The following NTRK1 variants were observed in gnomAD, a reference collection of about 807,000 sequenced individuals.
The protein encoded by NTRK1 is neurotrophic receptor tyrosine kinase 1, also known as high affinity nerve growth factor receptor.
Under a neutral mutation model 86.8 loss-of-function variants are expected in NTRK1, and 62 were observed. That is an observed-to-expected ratio of 0.71 (90% CI 0.58 to 0.88). The LOEUF is 0.88. NTRK1 is among the 40% of genes least tolerant of loss of function. The pLI is 0.00. For missense variants in NTRK1, 967 were observed against 1,078.4 expected, an observed-to-expected ratio of 0.90 and a Z score of 1.45; for synonymous variants, 469 against 456.6, an observed-to-expected ratio of 1.03 and a Z score of -0.35.
At chr1:156,874,539 AGG>A in intron 9 of NTRK1, 30 bp from the exon 10 acceptor site, 1 of 1,612,888 alleles carries the variant, frequency 6.2e-7, no homozygotes, top group Non-Finnish European at 8.5e-7. Flanking sequence ...GTGTGTGTCA[AGG>A]CTCACCCCTC....
At chr1:156,842,830 C>G (rs186028704) in intron 2 of NTRK1, among the ~76,000 whole-genome samples, 210 of 152,296 alleles carry the variant, frequency 1.4e-3, no homozygotes, top group Non-Finnish European at 2.5e-3. Context: ...AGTGGCCCTA[C>G]TATGACCCTG....
At chr1:156,848,918 C>CA (rs1468540837) in intron 2 of NTRK1, 1 of 1,565,518 alleles carries the variant, frequency 6.4e-7, no homozygotes, top group African/African-American at 1.4e-5. Context: ...CCCCGGCACT[C>CA]ACGACTCCTT....
chr1:156,868,298 T>G, intron 5 of NTRK1, 49 bp downstream of exon 5: 1 of 1,596,868 alleles, frequency 6.3e-7, no homozygotes, highest in East Asian at 2.2e-5. Flanking sequence ...GGAAGAGACC[T>G]ACCTGCCTGA....
chr1:156,843,204 G>A (rs756326222), intron 2 of NTRK1: 97 of 1,613,906 alleles, frequency 6.0e-5, no homozygotes, highest in Non-Finnish European at 7.5e-5. Flanking sequence ...ATCTGCTCCC[G>A]AGGCACCTCC....
chr1:156,842,343 C>T, intron 2 of NTRK1: 1 of 1,612,768 alleles, frequency 6.2e-7, no homozygotes, highest in Non-Finnish European at 8.5e-7. Flanking sequence ...TGGCCCCCAC[C>T]TCCCACACTG....
rs756672249 is a variant in NTRK1 at position 156,843,024 on chromosome 1, C to T, written c.50+831C>T. On this transcript the variant is annotated intron_variant, in intron 2 of 16. Coordinates refer to the NTRK1 transcript ENST00000392302. ...CTTACCACATGGTGACACTTGAAGG[C>T]TTTCATGACAGAAGCTTCCTTGAGG... 56 of 1,613,784 alleles carry T rather than the reference C, an allele frequency of 3.5e-5. No homozygotes were observed. The South Asian group carries it at 6.0e-4, about 17-fold the overall frequency.
intron 2 of NTRK1, 106 bp from the exon 3 acceptor site, chr1:156,864,622 G>T: frequency 7.8e-7 from 1 of 1,283,054 alleles, no homozygotes; most frequent in Non-Finnish European, 1.1e-6. Context: ...GCCTGAGGAG[G>T]GGTAGGGGTT....
At chr1:156,826,486 A>G (rs1421108354) in intron 1 of NTRK1, among the ~76,000 whole-genome samples, 1 of 151,642 alleles carries the variant, frequency 6.6e-6, no homozygotes, top group Non-Finnish European at 1.5e-5. Flanking sequence ...ATTTTTTAGT[A>G]GAGACAGGGT....
chr1:156,824,126 G>A (rs1654260199), intron 1 of NTRK1, among the ~76,000 whole-genome samples: 2 of 151,986 alleles, frequency 1.3e-5, no homozygotes, highest in East Asian at 1.9e-4. Context: ...TATTCCTTTC[G>A]GAGCCCTGCC....
Position 156,830,822 on chromosome 1 carries a change from T to C in NTRK1, c.-63-11259T>C, listed in dbSNP as rs912297175. ...CGGCCACCTCGGCCTCCCAAAGTGCTGGGATTATAGACGTGGGCCACCACG... is the reference window on the plus strand; with the variant it reads ...CGGCCACCTCGGCCTCCCAAAGTGCCGGGATTATAGACGTGGGCCACCACG... On this transcript the variant is annotated intron_variant, in intron 1 of 16. Coordinates refer to the NTRK1 transcript ENST00000392302. Among the ~76,000 whole-genome samples the C allele has an allele frequency of 2.6e-5, 4 of 152,212 alleles. No individual in the cohort carries two copies. The East Asian group carries it at 7.7e-4, about 29-fold the overall frequency.
Position 156,854,228 on chromosome 1 carries a change from T to C in NTRK1, c.51-10126T>C, listed in dbSNP as rs772250820. 5.6e-6 allele frequency: 9 copies of C among 1,613,866 alleles called. No individual in the cohort carries two copies. Among genetic ancestry groups the C allele is most frequent in the Non-Finnish European group, 7.6e-6 (9 of 1,179,980 alleles). ...TGTGAACATGAGCAGGATCTGCAGGTGGCCCTCCACCACGCTGCAGTTCTC... is the reference window on the plus strand; with the variant it reads ...TGTGAACATGAGCAGGATCTGCAGGCGGCCCTCCACCACGCTGCAGTTCTC... On this transcript the variant is annotated intron_variant, in intron 2 of 16. Coordinates refer to the NTRK1 transcript ENST00000392302. This position sits in a 1 kb window ranked among gnomAD's most constrained non-coding sequence, Gnocchi z 4.2.
At chr1:156,859,854 C>T (rs1037416878), upstream of NTRK1, among the ~76,000 whole-genome samples, 57 of 152,146 alleles carry the variant, frequency 3.7e-4, no homozygotes, top group Admixed American at 3.3e-4. This position sits in a 1 kb window ranked among gnomAD's most constrained non-coding sequence, Gnocchi z 6.2. Context: ...TCCCTTCGCT[C>T]TCCCCAGCTT....
At chr1:156,880,280 C>T in intron 16 of NTRK1, 123 bp downstream of exon 16, 3 of 1,005,806 alleles carry the variant, frequency 3.0e-6, no homozygotes, top group South Asian at 2.8e-5. Flanking sequence ...GGGCCCTTTC[C>T]AGCGCCGTGC....
chr1:156,880,838 G>A lies in NTRK1; in HGVS notation c.2206-619G>A, dbSNP rs567056665. Among the ~76,000 whole-genome samples the A allele has an allele frequency of 1.2e-4, 18 of 152,300 alleles. No homozygotes were observed. In the South Asian group the frequency reaches 3.3e-3, roughly 28 times the overall value. On this transcript the variant is annotated intron_variant, in intron 16 of 16. Transcript: ENST00000524377. Reference sequence around the variant, plus strand: ...GGAAGAAGGGGAAAAGAGGCTCCAGGCCCCTTCTCCAATCACTCCCTGCCA... The same window carrying A: ...GGAAGAAGGGGAAAAGAGGCTCCAGACCCCTTCTCCAATCACTCCCTGCCA...
chr1:156,831,122 A>G (rs1156870593), intron 1 of NTRK1, among the ~76,000 whole-genome samples: 3 of 152,152 alleles, frequency 2.0e-5, no homozygotes, highest in Admixed American at 6.6e-5. Context: ...GAGGGGAGGA[A>G]ACTCAAGAGA....
chr1:156,841,339 G>A (rs138603010), intron 1 of NTRK1: 2 of 1,549,466 alleles, frequency 1.3e-6, no homozygotes, highest in Admixed American at 1.7e-5. Flanking sequence ...GGGGCCGGGT[G>A]GGGGAGGGTT....
chr1:156,855,804 G>A (rs12023476), intron 2 of NTRK1, among the ~76,000 whole-genome samples: 1 of 152,212 alleles, frequency 6.6e-6, no homozygotes, highest in East Asian at 1.9e-4. Flanking sequence ...CAGCCTGGGC[G>A]ACAGAGTGAG....
At chr1:156,875,700 AGTGTGTGTGTGTGTGTGTGT>A in intron 12 of NTRK1, 34 bp downstream of exon 12, 1 of 1,385,638 alleles carries the variant, frequency 7.2e-7, no homozygotes, top group African/African-American at 1.5e-5. Flanking sequence ...GGCAGGGACG[AGTGTGTGTGTGTGTGTGTGT>A]GTGTGTGTGT....
chr1:156,851,407 C>A (rs948495329), intron 2 of NTRK1: 2 of 1,614,102 alleles, frequency 1.2e-6, no homozygotes, highest in Admixed American at 3.3e-5. Context: ...CAGCCCCAGG[C>A]TGTGCTGCAG....
Sources: allele counts gnomAD v4.1 joint callset (sites outside exome capture counted in the v4.1 genomes callset), GRCh38; gene constraint gnomAD v4.1.1; non-coding constraint Gnocchi (gnomAD v3.1); transcripts MANE v1.5; gene names NCBI Gene and HGNC (gene_info 2026-07-23, HGNC 2026-07-21).